The following COG5 variants were observed in gnomAD, a reference collection of about 807,000 sequenced individuals.
COG5 encodes the protein conserved oligomeric Golgi complex subunit 5.
In COG5, 86 loss-of-function variants were observed where a neutral mutation model predicts 110.4. The observed-to-expected ratio is 0.78, with a 90% CI of 0.65 to 0.93. COG5 has a LOEUF of 0.93. COG5 is among the 40% of genes least tolerant of loss of function. COG5 has a pLI of 0.00. For missense variants in COG5, 1,077 were observed against 987.0 expected, an observed-to-expected ratio of 1.09 and a Z score of -1.22; for synonymous variants, 360 against 334.6, an observed-to-expected ratio of 1.08 and a Z score of -0.83.
At chr7:107,444,688 C>G (rs573008820) in intron 6 of COG5, among the ~76,000 whole-genome samples, 1 of 152,270 alleles carries the variant, frequency 6.6e-6, no homozygotes, top group East Asian at 1.9e-4. Context: ...ATATCATAAA[C>G]TCTAAAGAGC....
At chr7:107,420,373 G>C (rs933135588) in intron 6 of COG5, among the ~76,000 whole-genome samples, 3 of 152,196 alleles carry the variant, frequency 2.0e-5, no homozygotes, top group Non-Finnish European at 4.4e-5. Flanking sequence ...TTATTCTTTT[G>C]ATCGGGATAG....
intron 6 of COG5, chr7:107,450,240 G>T: frequency 6.3e-6 from 1 of 158,678 alleles, no homozygotes; most frequent in East Asian, 1.6e-4. Context: ...CAAGCAGTTA[G>T]GGATCTTACA....
At chr7:107,473,656 C>T (rs1040197306) in intron 6 of COG5, among the ~76,000 whole-genome samples, 1 of 151,946 alleles carries the variant, frequency 6.6e-6, no homozygotes, top group Non-Finnish European at 1.5e-5. Flanking sequence ...TTGGTACCTA[C>T]TCACAACATT....
Position 107,548,299 on chromosome 7 carries a change from G to A in COG5, c.326C>T (p.Ala109Val), listed in dbSNP as rs758820507. 1 of 1,613,674 alleles carries A rather than the reference G, an allele frequency of 6.2e-7. No homozygotes were observed. Among genetic ancestry groups the A allele is most frequent in the Admixed American group, 1.7e-5 (1 of 59,990 alleles). Reference sequence around the variant, plus strand: ...GTACCTATCAACAGCTCCCTGTAAAGCCCCAATTCTCGTCTGCATCATCTG... The same window carrying A: ...GTACCTATCAACAGCTCCCTGTAAAACCCCAATTCTCGTCTGCATCATCTG... ...VLQMMQTRIG[A>V]LQGAVDRIKA... Residue 109 changes from alanine to valine, a missense_variant, in exon 4 of 22, where the codon GCT becomes GTT. By Grantham distance (64) the Ala-to-Val change is moderately conservative (BLOSUM62 0). Coordinates refer to ENST00000297135, the MANE Select transcript of COG5 (RefSeq NM_006348.5).
intron 7 of COG5, among the ~76,000 whole-genome samples, chr7:107,385,256 T>G (rs925380714): frequency 6.6e-6 from 1 of 152,196 alleles, no homozygotes; most frequent in African/African-American, 2.4e-5. Context: ...CTTCAAGAGT[T>G]CAAGGTGTTC....
intron 6 of COG5, among the ~76,000 whole-genome samples, chr7:107,496,143 A>T (rs1798259611): frequency 6.6e-6 from 1 of 152,090 alleles, no homozygotes; most frequent in Non-Finnish European, 1.5e-5. Context: ...AATTAAAGAG[A>T]ACGGAATGCT....
chr7:107,332,611 T>G (rs930549236), intron 10 of COG5, among the ~76,000 whole-genome samples: 1 of 151,992 alleles, frequency 6.6e-6, no homozygotes, highest in African/African-American at 2.4e-5. Flanking sequence ...GTAAACATGG[T>G]CTGAGAAGTG....
At chr7:107,541,629 T>C (rs1319885367) in intron 5 of COG5, among the ~76,000 whole-genome samples, 2 of 141,572 alleles carry the variant, frequency 1.4e-5, no homozygotes, top group African/African-American at 5.3e-5. Context: ...GACACAAATA[T>C]AAACTAGAGA....
intron 11 of COG5, among the ~76,000 whole-genome samples, chr7:107,303,932 T>C (rs1807491688): frequency 1.3e-5 from 2 of 152,190 alleles, no homozygotes; most frequent in South Asian, 4.1e-4. Context: ...TATTGCCTTG[T>C]GCAAACTTGT....
chr7:107,350,979 C>T (rs929922756), intron 10 of COG5, among the ~76,000 whole-genome samples: 4 of 152,110 alleles, frequency 2.6e-5, no homozygotes, highest in African/African-American at 7.2e-5. Context: ...TCTTATTTTT[C>T]GCAAGCTTAA....
At chr7:107,437,275 T>G (rs1794424208) in intron 6 of COG5, among the ~76,000 whole-genome samples, 1 of 152,172 alleles carries the variant, frequency 6.6e-6, no homozygotes, top group African/African-American at 2.4e-5. Flanking sequence ...CCTACTCTAC[T>G]CCAAAAATGG....
chr7:107,407,309 G>A (rs945682687), intron 7 of COG5, among the ~76,000 whole-genome samples: 2 of 152,160 alleles, frequency 1.3e-5, no homozygotes, highest in Non-Finnish European at 2.9e-5. Flanking sequence ...TTGAACCCAG[G>A]AGTCGGAGGT....
At chr7:107,383,180 TC>T (rs1319552683) in intron 7 of COG5, among the ~76,000 whole-genome samples, 1 of 152,090 alleles carries the variant, frequency 6.6e-6, no homozygotes, top group East Asian at 1.9e-4. Flanking sequence ...TCATTTTCTC[TC>T]CCTTTTTGGA....
At chr7:107,232,060 T>C (rs1334141218) in intron 18 of COG5, among the ~76,000 whole-genome samples, 1 of 152,210 alleles carries the variant, frequency 6.6e-6, no homozygotes, top group African/African-American at 2.4e-5. Flanking sequence ...ACCAGGTTAA[T>C]TTCTCTCATA....
chr7:107,203,699 A>C (rs1320943638), intron 21 of COG5, 69 bp from the exon 22 acceptor site: 2 of 975,850 alleles, frequency 2.0e-6, no homozygotes, highest in East Asian at 2.5e-5. Context: ...GGGGATACCA[A>C]TATATAAAAA....
intron 6 of COG5, among the ~76,000 whole-genome samples, chr7:107,434,816 A>C (rs1401029126): frequency 6.6e-6 from 1 of 152,040 alleles, no homozygotes; most frequent in Non-Finnish European, 1.5e-5. Flanking sequence ...TAAAAATACA[A>C]AAAATTAGTT....
intron 10 of COG5, among the ~76,000 whole-genome samples, chr7:107,359,668 TA>T (rs1285088359): frequency 2.0e-5 from 3 of 152,142 alleles, no homozygotes; most frequent in African/African-American, 4.8e-5. Flanking sequence ...CTGAAGCCCA[TA>T]AAAACCCCTG....
At chr7:107,361,274 A>G (rs1372621674) in intron 10 of COG5, among the ~76,000 whole-genome samples, 1 of 152,204 alleles carries the variant, frequency 6.6e-6, no homozygotes, top group African/African-American at 2.4e-5. Context: ...TGAGGCTAGT[A>G]GATTGGTGGA....
intron 6 of COG5, among the ~76,000 whole-genome samples, chr7:107,439,764 G>C (rs1794594730): frequency 6.6e-6 from 1 of 152,150 alleles, no homozygotes; most frequent in South Asian, 2.1e-4. Flanking sequence ...TGCAGGGTCT[G>C]AGAGACTGGG....
Sources: gnomAD v4.1 joint callset for allele counts (sites outside exome capture counted in the v4.1 genomes callset) on GRCh38, gnomAD v4.1.1 for gene constraint, MANE v1.5 for transcripts, NCBI Gene and HGNC (gene_info 2026-07-23, HGNC 2026-07-21) for gene names.